The following AGMO variants were observed in gnomAD, a reference collection of about 807,000 sequenced individuals.
AGMO encodes the protein glyceryl-ether monooxygenase.
Under a neutral mutation model 60.2 loss-of-function variants are expected in AGMO, and 75 were observed. The observed-to-expected ratio is 1.25, with a 90% CI of 1.03 to 1.51. AGMO has a LOEUF of 1.51. Ranked by LOEUF, AGMO falls within the 40% of genes most tolerant of loss-of-function variation. The pLI is 0.00. For missense variants in AGMO, 763 were observed against 525.5 expected (o/e 1.45, Z -4.42); for synonymous variants, 261 against 177.1 (o/e 1.47, Z -3.76).
At chr7:15,165,300 T>C in the AGMO span, among the ~76,000 whole-genome samples, 2 of 152,062 alleles carry the variant, frequency 1.3e-5, no homozygotes, top group African/African-American at 4.8e-5. Context: ...ATTCAGGTGA[T>C]GGGTACACTA....
the AGMO span, among the ~76,000 whole-genome samples, chr7:15,150,021 G>T: frequency 1.7e-4 from 26 of 152,020 alleles, no homozygotes; most frequent in East Asian, 4.3e-3. Flanking sequence ...CACCTTCCTG[G>T]TTAGCTGCAT....
At chr7:15,429,063 A>C (rs749898453) in intron 4 of AGMO, among the ~76,000 whole-genome samples, 14 of 152,174 alleles carry the variant, frequency 9.2e-5, no homozygotes, top group Middle Eastern at 6.8e-3. Context: ...GTCTTGAACT[A>C]TACAGTTGTA....
At chr7:15,402,415 T>A (rs1008739973) in intron 5 of AGMO, among the ~76,000 whole-genome samples, 2 of 151,620 alleles carry the variant, frequency 1.3e-5, no homozygotes, top group African/African-American at 2.4e-5. Context: ...TGTACAAAAA[T>A]TTATTTGGAA....
At chr7:15,138,754 T>C in the AGMO span, among the ~76,000 whole-genome samples, 5 of 152,172 alleles carry the variant, frequency 3.3e-5, no homozygotes, top group African/African-American at 1.2e-4. Context: ...ATTAAATCTT[T>C]TTGAATGAAG....
At chr7:15,427,104 C>A in intron 4 of AGMO, among the ~76,000 whole-genome samples, 1 of 151,988 alleles carries the variant, frequency 6.6e-6, no homozygotes, top group South Asian at 2.1e-4. Flanking sequence ...GGATAATATC[C>A]AGTTAAAAGT....
chr7:15,153,001 C>T, the AGMO span, among the ~76,000 whole-genome samples: 1 of 151,936 alleles, frequency 6.6e-6, no homozygotes, highest in African/African-American at 2.4e-5. Context: ...TCCACAGCAA[C>T]ATCTATTATT....
chr7:15,202,769 C>T (rs1781332648), intron 12 of AGMO, among the ~76,000 whole-genome samples: 1 of 152,084 alleles, frequency 6.6e-6, no homozygotes, highest in South Asian at 2.1e-4. Context: ...GATTTTGTTT[C>T]TTTTGACTGT....
intron 12 of AGMO, among the ~76,000 whole-genome samples, chr7:15,291,669 T>TAC (rs1311789481): frequency 6.6e-6 from 1 of 151,954 alleles, no homozygotes; most frequent in Non-Finnish European, 1.5e-5. Context: ...GAACAGTGGG[T>TAC]ACAAAGAGAG....
At chr7:15,463,252 G>C (rs1782191897) in intron 3 of AGMO, among the ~76,000 whole-genome samples, 1 of 152,118 alleles carries the variant, frequency 6.6e-6, no homozygotes, top group South Asian at 2.1e-4. Flanking sequence ...ATAAGTAGAG[G>C]TAATGGACAT....
At chr7:15,223,700 C>A (rs1360320462) in intron 12 of AGMO, among the ~76,000 whole-genome samples, 1 of 151,938 alleles carries the variant, frequency 6.6e-6, no homozygotes, top group Non-Finnish European at 1.5e-5. Context: ...AGCACCTAGA[C>A]AATGCATAGT....
intron 12 of AGMO, among the ~76,000 whole-genome samples, chr7:15,300,603 C>A (rs1185405747): frequency 6.6e-6 from 1 of 152,170 alleles, no homozygotes; most frequent in East Asian, 1.9e-4. Flanking sequence ...AATTTTTCTT[C>A]TTGCTGGTAT....
At chr7:15,228,743 T>G (rs1251243573) in intron 12 of AGMO, among the ~76,000 whole-genome samples, 2 of 152,178 alleles carry the variant, frequency 1.3e-5, no homozygotes, top group South Asian at 4.1e-4. Context: ...GCTGAAATTA[T>G]AGTATTCCTC....
chr7:15,399,043 GTA>G lies in AGMO; in HGVS notation c.610-4866_610-4865del, dbSNP rs1290767313. On this transcript the variant is annotated intron_variant, in intron 5 of 12. Transcript: ENST00000342526. ...TTCATATTAGTTAAAATGATGCCAG[GTA>G]TTTATAAAGATCCCAGGGATTTCAG... is the stretch of plus-strand genomic sequence containing the variant. Among the ~76,000 whole-genome samples the G allele has an allele frequency of 6.6e-5, 10 of 152,186 alleles. No homozygotes were observed. The East Asian group carries it at 1.5e-3, about 23-fold the overall frequency.
intron 2 of AGMO, among the ~76,000 whole-genome samples, chr7:15,547,295 G>A (rs1022847997): frequency 5.3e-5 from 8 of 152,124 alleles, no homozygotes; most frequent in African/African-American, 1.9e-4. Context: ...TGATCTGGAA[G>A]AAAGATTAAA....
chr7:15,320,463 TTGATTA>T (rs1244962920), intron 12 of AGMO, among the ~76,000 whole-genome samples: 1 of 152,054 alleles, frequency 6.6e-6, no homozygotes, highest in Non-Finnish European at 1.5e-5. Context: ...AGACTCTAAA[TTGATTA>T]TGATTAACTT....
At chr7:15,327,928 G>A (rs563641109) in intron 12 of AGMO, among the ~76,000 whole-genome samples, 46 of 149,474 alleles carry the variant, frequency 3.1e-4, no homozygotes, top group Non-Finnish European at 5.9e-4. Flanking sequence ...ATGTTGCCGG[G>A]CTAATTTAAA....
chr7:15,118,348 G>T, the AGMO span, among the ~76,000 whole-genome samples: 4 of 151,936 alleles, frequency 2.6e-5, no homozygotes, highest in Non-Finnish European at 5.9e-5. Flanking sequence ...TCTTTTAGGG[G>T]AGATTATAGT....
At chr7:15,134,637 T>G in the AGMO span, among the ~76,000 whole-genome samples, 3 of 152,206 alleles carry the variant, frequency 2.0e-5, no homozygotes, top group Admixed American at 2.0e-4. Flanking sequence ...ATGATCTCTT[T>G]CTTTTTTATG....
chr7:15,193,627 GT>G, the AGMO span, among the ~76,000 whole-genome samples: 2 of 151,990 alleles, frequency 1.3e-5, no homozygotes, highest in Non-Finnish European at 2.9e-5. Flanking sequence ...TGCAAGCTTC[GT>G]TTTCAATAAG....
Sources: allele counts gnomAD v4.1 joint callset (sites outside exome capture counted in the v4.1 genomes callset), GRCh38; gene constraint gnomAD v4.1.1; transcripts MANE v1.5; gene names NCBI Gene and HGNC (gene_info 2026-07-23, HGNC 2026-07-21).